The following PPP5C variants were observed in gnomAD, a reference collection of about 807,000 sequenced individuals.
The protein encoded by PPP5C is protein phosphatase 5 catalytic subunit.
PPP5C carries 21 observed loss-of-function variants against 66.7 expected under a neutral mutation model. The ratio of observed to expected loss-of-function variants is 0.31; its 90% confidence interval spans 0.22 to 0.45. The LOEUF is 0.45. Among genes scored for constraint, PPP5C ranks in the 20% least tolerant of loss-of-function variants. The probability of loss-of-function intolerance (pLI) is 1.00; values close to 1 mark genes in which losing one functional copy is unlikely to be tolerated. For missense variants in PPP5C, 464 were observed against 675.9 expected (o/e 0.69, Z 3.48); for synonymous variants, 246 against 257.4 (o/e 0.96, Z 0.43).
chr19:46,380,008 A>G (rs187935446), intron 4 of PPP5C, among the ~76,000 whole-genome samples: 2 of 152,246 alleles, frequency 1.3e-5, no homozygotes, highest in Non-Finnish European at 2.9e-5. Flanking sequence ...TTAATGGACA[A>G]TATAAGAATC....
Position 46,353,892 on chromosome 19 carries a change from T to C in PPP5C, c.266T>C (p.Ile89Thr), listed in dbSNP as rs758593717. The C allele has an allele frequency of 7.5e-6, 12 of 1,606,148 alleles. No individual in the cohort carries two copies. Among genetic ancestry groups the C allele is most frequent in the African/African-American group, 1.3e-5 (1 of 74,866 alleles). ...GCGCTGGGAGACGCCACGCGGGCCA[T>C]TGAGCTGGACAAGAAGTACATCAAG... ...GYALGDATRA[I>T]ELDKKYIKGY... The change falls in exon 2 of 13, where the codon ATT becomes ACT. Residue 89 changes from isoleucine to threonine, a missense_variant. Transcript: ENST00000012443.
intron 4 of PPP5C, chr19:46,382,968 T>A: frequency 9.3e-7 from 1 of 1,077,300 alleles, no homozygotes; most frequent in Non-Finnish European, 1.1e-6. Context: ...TTTAAAAAAT[T>A]CAGCGTCCGT....
chr19:46,354,017 C>T, intron 2 of PPP5C, 28 bp downstream of exon 2: 1 of 1,607,034 alleles, frequency 6.2e-7, no homozygotes, highest in South Asian at 1.1e-5. Flanking sequence ...CCAGGCCTGG[C>T]ACCTGAGCCA....
Position 46,388,317 on chromosome 19 carries a change from G to A in PPP5C, c.1136-91G>A. On this transcript the variant is annotated intron_variant, in intron 9 of 12. Transcript: ENST00000012443. The surrounding 1 kb of genome is among the most constrained non-coding windows in gnomAD (Gnocchi z 4.9). ...ACACCCACCCAGGCTGGGCTGTGGG[G>A]TCAGCACCTGGCCGGGCCAGGAGGT... The A allele has an allele frequency of 7.1e-7, 1 of 1,399,280 alleles. No individual in the cohort carries two copies. Among genetic ancestry groups the A allele is most frequent in the Non-Finnish European group, 9.7e-7 (1 of 1,032,160 alleles). 86.7% of individuals were successfully genotyped at this position (1,399,280 alleles called of 1,614,324 possible). A position where few individuals can be genotyped will look rare whatever the true frequency, so the allele number is the denominator to read the frequency against.
At chr19:46,374,418 G>A (rs1260678071) in intron 2 of PPP5C, among the ~76,000 whole-genome samples, 4 of 149,656 alleles carry the variant, frequency 2.7e-5, no homozygotes, top group South Asian at 4.3e-4. Context: ...CTCCTGGGGA[G>A]GCTAAGGATG....
intron 2 of PPP5C, among the ~76,000 whole-genome samples, chr19:46,357,767 G>A (rs899548173): frequency 2.0e-5 from 3 of 152,216 alleles, no homozygotes; most frequent in South Asian, 2.1e-4. Context: ...GCAGAGCAAC[G>A]TGTGGGATGG....
chr19:46,361,371 C>G (rs1285061652), intron 2 of PPP5C, among the ~76,000 whole-genome samples: 1 of 146,478 alleles, frequency 6.8e-6, no homozygotes, highest in Non-Finnish European at 1.5e-5. Flanking sequence ...CCTCATGATC[C>G]GCCCGCCTCG....
chr19:46,375,221 G>A (rs1033884012), intron 2 of PPP5C, among the ~76,000 whole-genome samples: 4 of 152,074 alleles, frequency 2.6e-5, no homozygotes, highest in Admixed American at 1.3e-4. Context: ...AGACCCAGCC[G>A]GGCCCTTCCT....
At chr19:46,379,586 A>G (rs906239864) in intron 4 of PPP5C, among the ~76,000 whole-genome samples, 5 of 152,168 alleles carry the variant, frequency 3.3e-5, no homozygotes, top group African/African-American at 1.2e-4. Context: ...TCTCTTTTCT[A>G]TATGTCCCAT....
intron 7 of PPP5C, 26 bp from the exon 8 acceptor site, chr19:46,387,067 T>A (rs373788294): frequency 6.2e-7 from 1 of 1,614,012 alleles, no homozygotes; most frequent in African/African-American, 1.3e-5. Context: ...AGGCTGAGCT[T>A]TCTCTTCTGT....
intron 1 of PPP5C, among the ~76,000 whole-genome samples, chr19:46,352,667 A>G (rs1368100223): frequency 6.6e-6 from 1 of 152,116 alleles, no homozygotes; most frequent in Non-Finnish European, 1.5e-5. Context: ...AAAAATACAA[A>G]AAATTAGCCG....
intron 2 of PPP5C, among the ~76,000 whole-genome samples, chr19:46,366,521 T>G (rs955440860): frequency 2.0e-5 from 3 of 152,074 alleles, no homozygotes; most frequent in African/African-American, 7.2e-5. Flanking sequence ...AATTTTTTTC[T>G]TTATCGTAGA....
At chr19:46,386,170 C>T (rs981231544) in intron 7 of PPP5C, among the ~76,000 whole-genome samples, 1 of 151,960 alleles carries the variant, frequency 6.6e-6, no homozygotes, top group Non-Finnish European at 1.5e-5. Context: ...ACTCAGGAGA[C>T]ATGGGATGTG....
chr19:46,365,358 T>G (rs1972472684), intron 2 of PPP5C, among the ~76,000 whole-genome samples: 1 of 151,698 alleles, frequency 6.6e-6, no homozygotes, highest in African/African-American at 2.4e-5. Flanking sequence ...CCTCAAGTGA[T>G]CCACCTGTCT....
At chr19:46,373,794 C>T (rs1035997839) in intron 2 of PPP5C, among the ~76,000 whole-genome samples, 10 of 152,118 alleles carry the variant, frequency 6.6e-5, no homozygotes, top group African/African-American at 2.2e-4. Context: ...GCCCAGGGGC[C>T]TTTGGGAGCC....
chr19:46,361,963 T>C (rs1045631276), intron 2 of PPP5C, among the ~76,000 whole-genome samples: 1 of 152,226 alleles, frequency 6.6e-6, no homozygotes, highest in Non-Finnish European at 1.5e-5. Flanking sequence ...CCATTCTTTT[T>C]TCTCCCTACT....
Position 46,383,746 on chromosome 19 carries a change from GCCC to G in PPP5C, c.700-33_700-31del. The G allele has an allele frequency of 3.0e-5, 47 of 1,549,426 alleles. No homozygotes were observed. The highest frequency in any genetic ancestry group is 4.1e-5 in the African/African-American group (3 of 73,368). On this transcript the variant is annotated intron_variant, in intron 5 of 12. Transcript: ENST00000012443. This position sits in a 1 kb window ranked among gnomAD's most constrained non-coding sequence, Gnocchi z 5.0. The stretch of plus-strand genomic sequence containing the variant: ...GCCCCCTCCCCACGTCTCTCTCTCG[GCCC>G]GTCCCTCTCCGGTGGCCTCTTTTCT...
intron 2 of PPP5C, among the ~76,000 whole-genome samples, chr19:46,365,509 A>G (rs1972475703): frequency 6.6e-6 from 1 of 152,200 alleles, no homozygotes; most frequent in Non-Finnish European, 1.5e-5. Context: ...TCACTCTTCC[A>G]GGTGTCACCA....
intron 7 of PPP5C, among the ~76,000 whole-genome samples, chr19:46,385,949 A>G (rs78806572): frequency 2.5e-4 from 15 of 60,324 alleles, no homozygotes; most frequent in African/African-American, 9.4e-4. Context: ...GTCTCTTTGA[A>G]AAAAAAAAAA....
Sources: allele counts gnomAD v4.1 joint callset (sites outside exome capture counted in the v4.1 genomes callset), GRCh38; gene constraint gnomAD v4.1.1; non-coding constraint Gnocchi (gnomAD v3.1); transcripts MANE v1.5; gene names NCBI Gene and HGNC (gene_info 2026-07-23, HGNC 2026-07-21).